The following CRTAM variants were observed in gnomAD, a reference collection of about 807,000 sequenced individuals.
CRTAM encodes the protein cytotoxic and regulatory T-cell molecule.
In CRTAM, 44 loss-of-function variants were observed where a neutral mutation model predicts 50.0. The ratio of observed to expected loss-of-function variants is 0.88; its 90% confidence interval spans 0.69 to 1.13. The LOEUF is 1.13. Ranked by LOEUF, CRTAM falls within the 50% of genes most tolerant of loss-of-function variation. CRTAM has a pLI of 0.00. For missense variants in CRTAM, 448 were observed against 457.5 expected, an observed-to-expected ratio of 0.98 and a Z score of 0.19; for synonymous variants, 159 against 169.3, an observed-to-expected ratio of 0.94 and a Z score of 0.47.
chr11:122,868,236 G>C, intron 9 of CRTAM, 137 bp downstream of exon 9: 1 of 545,002 alleles, frequency 1.8e-6, no homozygotes, highest in Admixed American at 3.4e-5. Context: ...GTGTGTGTGT[G>C]TATGAGGTGG....
intron 1 of CRTAM, among the ~76,000 whole-genome samples, chr11:122,844,767 T>A (rs1861842174): frequency 6.6e-6 from 1 of 152,216 alleles, no homozygotes; most frequent in African/African-American, 2.4e-5. Context: ...AGCATCACAA[T>A]GCTATGGAAG....
intron 5 of CRTAM, among the ~76,000 whole-genome samples, chr11:122,856,521 G>C (rs1035100450): frequency 1.3e-5 from 2 of 152,246 alleles, no homozygotes; most frequent in Non-Finnish European, 2.9e-5. Flanking sequence ...AGTCCTGTAA[G>C]AAGTCTGCAA....
chr11:122,853,847 C>T (rs1861967678), intron 3 of CRTAM, 96 bp from the exon 4 acceptor site: 3 of 1,181,332 alleles, frequency 2.5e-6, no homozygotes, highest in Middle Eastern at 2.1e-4. Flanking sequence ...TTAGAGTATA[C>T]CCTATAACAA....
intron 1 of CRTAM, among the ~76,000 whole-genome samples, chr11:122,844,673 T>C (rs1281215670): frequency 6.6e-6 from 1 of 152,104 alleles, no homozygotes; most frequent in Non-Finnish European, 1.5e-5. Flanking sequence ...TAGAGAAATA[T>C]AAAACATAGC....
intron 4 of CRTAM, among the ~76,000 whole-genome samples, chr11:122,854,671 A>AT (rs1861981828): frequency 6.6e-6 from 1 of 151,852 alleles, no homozygotes; most frequent in African/African-American, 2.4e-5. Flanking sequence ...CAAAAAAAAA[A>AT]AAAAGAAGAA....
chr11:122,844,744 G>A (rs144417020), intron 1 of CRTAM, among the ~76,000 whole-genome samples: 1,638 of 152,326 alleles, frequency 0.011, 22 homozygotes, highest in Middle Eastern at 0.044. Context: ...AAGAACTAGT[G>A]AGTAAAACAG....
chr11:122,851,010 C>T (rs1029893470), intron 2 of CRTAM, among the ~76,000 whole-genome samples: 2 of 152,148 alleles, frequency 1.3e-5, no homozygotes, highest in Non-Finnish European at 2.9e-5. Flanking sequence ...GCCTGTAATC[C>T]CAGCACTTTG....
chr11:122,840,073 C>T (rs921129947), intron 1 of CRTAM, among the ~76,000 whole-genome samples: 1 of 152,146 alleles, frequency 6.6e-6, no homozygotes, highest in Admixed American at 6.5e-5. Context: ...AAGCCTTTCA[C>T]TGACCTTAAC....
rs1475589848 is a variant in CRTAM at position 122,871,469 on chromosome 11, A to G, written c.*70A>G. ...CACCTCAGTGGACCAGCCTGGGGGA[A>G]GGAGCTTAATTGCTGAGACATTAAT... On this transcript the variant is annotated 3_prime_UTR_variant, in exon 10 of 10. Transcript: ENST00000227348. The G allele has an allele frequency of 2.8e-6, 4 of 1,411,764 alleles. No homozygotes were observed. Among genetic ancestry groups the G allele is most frequent in the Non-Finnish European group, 3.9e-6 (4 of 1,031,792 alleles). 87.5% of individuals were successfully genotyped at this position (1,411,764 alleles called of 1,614,324 possible).
intron 1 of CRTAM, among the ~76,000 whole-genome samples, chr11:122,842,312 C>A (rs994930485): frequency 6.6e-6 from 1 of 152,126 alleles, no homozygotes; most frequent in Non-Finnish European, 1.5e-5. Flanking sequence ...GAATTTCATT[C>A]TTGTTGCCCT....
At chr11:122,869,438 G>A (rs1344345661) in intron 9 of CRTAM, among the ~76,000 whole-genome samples, 1 of 152,150 alleles carries the variant, frequency 6.6e-6, no homozygotes, top group Non-Finnish European at 1.5e-5. Flanking sequence ...CAGGTCCTTT[G>A]GATGACTTCA....
chr11:122,842,467 T>C (rs543515157), intron 1 of CRTAM, among the ~76,000 whole-genome samples: 2 of 152,216 alleles, frequency 1.3e-5, no homozygotes, highest in African/African-American at 4.8e-5. Context: ...TTAGTAGACA[T>C]GGGGTTTCAC....
At position 122,871,436 on chromosome 11, in the gene CRTAM, C is replaced by T. The variant is rs771836932; in HGVS notation, c.*37C>T. ...ATGGAACATGTGATTTCAGGGTTGC[C>T]GCAGTGTCACCTCAGTGGACCAGCC... On this transcript the variant is annotated 3_prime_UTR_variant, in exon 10 of 10. Transcript: ENST00000227348. The T allele has an allele frequency of 2.5e-5, 40 of 1,587,506 alleles. No homozygotes were observed. Among genetic ancestry groups the T allele is most frequent in the East Asian group, 1.1e-4 (5 of 43,784 alleles).
chr11:122,869,196 G>A (rs1012805112), intron 9 of CRTAM, among the ~76,000 whole-genome samples: 4 of 152,022 alleles, frequency 2.6e-5, no homozygotes, highest in African/African-American at 4.8e-5. Flanking sequence ...ACTGTTTGAC[G>A]TCACACACAG....
At chr11:122,858,946 A>C (rs1291540229) in intron 5 of CRTAM, among the ~76,000 whole-genome samples, 1 of 152,184 alleles carries the variant, frequency 6.6e-6, no homozygotes, top group East Asian at 1.9e-4. Context: ...GGACCTCTCT[A>C]CAATCTTAAA....
chr11:122,857,757 A>G (rs1862024563), intron 5 of CRTAM, among the ~76,000 whole-genome samples: 1 of 152,172 alleles, frequency 6.6e-6, no homozygotes, highest in Admixed American at 6.5e-5. Context: ...CTCTGCATGG[A>G]AGGACCTGGG....
At chr11:122,865,262 C>T (rs1476588640) in intron 7 of CRTAM, among the ~76,000 whole-genome samples, 2 of 152,026 alleles carry the variant, frequency 1.3e-5, no homozygotes, top group African/African-American at 2.4e-5. Context: ...CTTGAACTCC[C>T]GACCTCCGGT....
chr11:122,868,998 G>T (rs559337554), intron 9 of CRTAM, among the ~76,000 whole-genome samples: 2 of 152,158 alleles, frequency 1.3e-5, no homozygotes, highest in East Asian at 3.9e-4. Flanking sequence ...GACAGAGAGG[G>T]ACTCCACCTC....
At position 122,871,347 on chromosome 11, in the gene CRTAM, A is replaced by G; in HGVS notation, c.1130A>G (p.Gln377Arg). 1.2e-6 allele frequency: 2 copies of G among 1,613,896 alleles called. No individual in the cohort carries two copies. The highest frequency in any genetic ancestry group is 1.1e-5 in the South Asian group (1 of 91,042). The stretch of plus-strand genomic sequence containing the variant: ...AAAACAAAGAGGAAGGAAAATGTAC[A>G]ACATTCAAAATTAGAAGAAAAGCAC... The part of the protein sequence containing the change: ...EAKTKRKENV[Q>R]HSKLEEKHIQ... Residue 377 changes from glutamine (Q) to arginine (R), a missense_variant, in exon 10 of 10, where the codon CAA becomes CGA. Coordinates refer to ENST00000227348, the MANE Select transcript of CRTAM (RefSeq NM_019604.4).
Sources: gnomAD v4.1 joint callset for allele counts (sites outside exome capture counted in the v4.1 genomes callset) on GRCh38, gnomAD v4.1.1 for gene constraint, MANE v1.5 for transcripts, NCBI Gene and HGNC (gene_info 2026-07-23, HGNC 2026-07-21) for gene names.